CHST9: variants seen among roughly 807,000 people sequenced by gnomAD.
CHST9 encodes the protein carbohydrate sulfotransferase 9.
In CHST9, 41 loss-of-function variants were observed where a neutral mutation model predicts 44.4. The ratio of observed to expected loss-of-function variants is 0.92; its 90% CI spans 0.72 to 1.20. CHST9 has a LOEUF of 1.20. Ranked by LOEUF, CHST9 falls within the 50% of genes most tolerant of loss-of-function variation. The pLI is 0.00. For synonymous variants in CHST9, 171 were observed against 178.4 expected (o/e 0.96, Z 0.33); for missense variants, 504 against 516.5 (o/e 0.98, Z 0.23).
intron 2 of CHST9, among the ~76,000 whole-genome samples, chr18:27,094,610 C>T (rs1303588906): frequency 6.6e-6 from 1 of 152,074 alleles, no homozygotes; most frequent in East Asian, 1.9e-4. Flanking sequence ...TTAAATATAT[C>T]AAAGAGAGAT....
intron 4 of CHST9, among the ~76,000 whole-genome samples, chr18:26,946,395 GA>G (rs1298264304): frequency 2.0e-5 from 3 of 152,224 alleles, no homozygotes; most frequent in African/African-American, 7.2e-5. Context: ...TCCAAGGATA[GA>G]AAGGAGGCCA....
chr18:27,033,647 T>C (rs2057363318), intron 3 of CHST9, among the ~76,000 whole-genome samples: 1 of 152,220 alleles, frequency 6.6e-6, no homozygotes, highest in Admixed American at 6.5e-5. Flanking sequence ...AAGTCTCTTT[T>C]TGTTTTTTAT....
At chr18:27,093,492 C>G (rs1035314750) in intron 2 of CHST9, among the ~76,000 whole-genome samples, 2 of 152,230 alleles carry the variant, frequency 1.3e-5, no homozygotes, top group Non-Finnish European at 2.9e-5. Context: ...TCTCGCAGAT[C>G]GATCTCAGAC....
intron 4 of CHST9, among the ~76,000 whole-genome samples, chr18:27,000,634 A>ATCTATCTC (rs1252732531): frequency 1.3e-5 from 2 of 151,100 alleles, no homozygotes; most frequent in Admixed American, 6.6e-5. Context: ...CTATCTATCT[A>ATCTATCTC]TCTATCTATC....
At chr18:27,180,749 G>C (rs990671318) in intron 1 of CHST9, among the ~76,000 whole-genome samples, 1 of 152,080 alleles carries the variant, frequency 6.6e-6, no homozygotes, top group African/African-American at 2.4e-5. Flanking sequence ...TGAGGACACA[G>C]GAATAAATTA....
intron 2 of CHST9, among the ~76,000 whole-genome samples, chr18:27,057,278 A>C (rs574994856): frequency 6.6e-5 from 10 of 152,368 alleles, no homozygotes; most frequent in South Asian, 6.2e-4. Context: ...TTTATGTACT[A>C]CATTGTAAGA....
intron 1 of CHST9, among the ~76,000 whole-genome samples, chr18:27,172,353 T>C (rs1015529200): frequency 1.2e-4 from 19 of 152,012 alleles, no homozygotes; most frequent in Non-Finnish European, 2.7e-4. Context: ...TAAATGTGAT[T>C]TTACCCAGTT....
Position 27,024,434 on chromosome 18 carries a change from G to A in CHST9, c.161-277C>T, listed in dbSNP as rs148286929. On this transcript the variant is annotated intron_variant, in intron 3 of 5. Coordinates refer to ENST00000618847, the MANE Select transcript of CHST9 (RefSeq NM_031422.6). ...GTACTCTTTATGGCAGGGAAATGGA[G>A]CCAGGGACTGGGGGGTGGGTAGCAT... 5.9e-3 allele frequency among the ~76,000 whole-genome samples: 900 copies of A among 152,290 alleles called. 9 individuals are homozygous for A. The highest frequency in any genetic ancestry group is 0.021 in the African/African-American group (872 of 41,566).
intron 4 of CHST9, among the ~76,000 whole-genome samples, chr18:27,021,186 G>T (rs2057222091): frequency 6.6e-6 from 1 of 152,118 alleles, no homozygotes. Context: ...AGGTGAGAGG[G>T]TAGGAGGGTC....
intron 4 of CHST9, among the ~76,000 whole-genome samples, chr18:26,967,194 C>G (rs2056476983): frequency 1.3e-5 from 2 of 152,118 alleles, no homozygotes; most frequent in African/African-American, 2.4e-5. Context: ...CCCCCTATGT[C>G]TTTAAAAGCA....
intron 2 of CHST9, among the ~76,000 whole-genome samples, chr18:27,138,804 G>C (rs1165959431): frequency 6.6e-6 from 1 of 151,944 alleles, no homozygotes; most frequent in Non-Finnish European, 1.5e-5. Flanking sequence ...AATTTGCCCA[G>C]GGTTACAAAG....
intron 1 of CHST9, among the ~76,000 whole-genome samples, chr18:27,153,817 G>A (rs1478879105): frequency 6.6e-6 from 1 of 152,156 alleles, no homozygotes; most frequent in Non-Finnish European, 1.5e-5. Context: ...AGGCTGCAGT[G>A]ATTATTTTGC....
intron 2 of CHST9, among the ~76,000 whole-genome samples, chr18:27,094,120 T>C (rs2058094663): frequency 6.6e-6 from 1 of 152,160 alleles, no homozygotes; most frequent in African/African-American, 2.4e-5. Flanking sequence ...TTTGTGTCTT[T>C]TATAAGGGAA....
At chr18:27,022,102 G>C (rs1011716953) in intron 4 of CHST9, among the ~76,000 whole-genome samples, 1 of 152,166 alleles carries the variant, frequency 6.6e-6, no homozygotes, top group African/African-American at 2.4e-5. Context: ...CCTATGAATT[G>C]CATGTTATTA....
chr18:27,168,973 T>G (rs76956002), intron 1 of CHST9, among the ~76,000 whole-genome samples: 4,723 of 152,226 alleles, frequency 0.031, 154 homozygotes, highest in East Asian at 0.2. Context: ...AAAAACTACA[T>G]CTTGAACTTC....
At chr18:27,120,966 T>A (rs2058369391) in intron 2 of CHST9, among the ~76,000 whole-genome samples, 1 of 152,090 alleles carries the variant, frequency 6.6e-6, no homozygotes, top group African/African-American at 2.4e-5. Flanking sequence ...TAAATGTGGT[T>A]TCATGGATAT....
chr18:26,956,390 T>C lies in CHST9; in HGVS notation c.203-12024A>G, dbSNP rs189289986. 6.9e-3 allele frequency among the ~76,000 whole-genome samples: 1,013 copies of C among 146,752 alleles called. 13 individuals carry two copies. Among genetic ancestry groups the C allele is most frequent in the African/African-American group, 0.024 (970 of 40,550 alleles). The stretch of plus-strand genomic sequence containing the variant: ...TATACAAATATACATATATCATATA[T>C]AATTATATCTATATATATATACACA... On this transcript the variant is annotated intron_variant, in intron 4 of 5. Coordinates refer to ENST00000618847, the MANE Select transcript of CHST9 (RefSeq NM_031422.6).
intron 2 of CHST9, among the ~76,000 whole-genome samples, chr18:27,066,691 T>A (rs926458384): frequency 2.0e-5 from 3 of 152,228 alleles, no homozygotes; most frequent in African/African-American, 7.2e-5. Context: ...GTGCCTTAAC[T>A]AGTTGGTGAT....
rs2055493410 is a variant in CHST9 at position 26,914,988 on chromosome 18, A to G, written c.*1271T>C. The G allele has an allele frequency of 2.5e-6, 1 of 397,726 alleles. No individual in the cohort carries two copies. The highest frequency in any genetic ancestry group is 2.1e-5 in the African/African-American group (1 of 48,556). The allele number at this position is 397,726 out of a possible 1,614,324, so 24.6% of individuals were successfully genotyped here. On this transcript the variant is annotated 3_prime_UTR_variant, in exon 6 of 6. Coordinates refer to ENST00000618847, the MANE Select transcript of CHST9 (RefSeq NM_031422.6). ...CAAAATGATCCCTTTTTTTTTCCCC[A>G]AGGGATCTAATTTAGGATCCCTTGG...
Sources: gnomAD v4.1 joint callset for allele counts (sites outside exome capture counted in the v4.1 genomes callset) on GRCh38, gnomAD v4.1.1 for gene constraint, MANE v1.5 for transcripts, NCBI Gene and HGNC (gene_info 2026-07-23, HGNC 2026-07-21) for gene names.